PAX7: variants seen among roughly 807,000 people sequenced by gnomAD.
The protein encoded by PAX7 is paired box protein Pax-7.
PAX7 carries 18 observed loss-of-function variants against 50.7 expected under a neutral mutation model. That is an observed-to-expected ratio of 0.36 (90% CI 0.25 to 0.53). PAX7 has a LOEUF of 0.53. PAX7 is among the 20% of genes least tolerant of loss of function. The pLI, the probability that PAX7 is intolerant of heterozygous loss-of-function variation, is 0.93. For missense variants in PAX7, 644 were observed against 702.9 expected, an observed-to-expected ratio of 0.92 and a Z score of 0.95; for synonymous variants, 310 against 290.4, an observed-to-expected ratio of 1.07 and a Z score of -0.69.
In PAX7 at chr1:18,683,070, C is replaced by T. The variant is rs116650553; in HGVS notation, c.587-8684C>T. Among the ~76,000 whole-genome samples, 676 of 152,244 alleles carry T rather than the reference C, an allele frequency of 4.4e-3. 5 individuals are homozygous for T. The highest frequency in any genetic ancestry group is 5.9e-3 in the Non-Finnish European group (398 of 68,014). On this transcript the variant is annotated intron_variant, in intron 4 of 8. Coordinates refer to ENST00000420770, the MANE Select transcript of PAX7 (RefSeq NM_001135254.2). ...GGTCAGCTACAGCCAGAAACCAGAGCAGGGCCAACTGGTCAGGCGGTTGAC... is the reference window on the plus strand; with the variant it reads ...GGTCAGCTACAGCCAGAAACCAGAGTAGGGCCAACTGGTCAGGCGGTTGAC...
intron 4 of PAX7, among the ~76,000 whole-genome samples, chr1:18,684,181 T>C (rs952431121): frequency 3.3e-5 from 5 of 151,898 alleles, no homozygotes; most frequent in African/African-American, 4.8e-5. Context: ...GTGGCTGGAG[T>C]CCAGGAAGAG....
intron 4 of PAX7, among the ~76,000 whole-genome samples, chr1:18,678,753 G>T (rs963999492): frequency 6.6e-6 from 1 of 152,126 alleles, no homozygotes; most frequent in Admixed American, 6.5e-5. Flanking sequence ...AGATTGGGAG[G>T]ATGGTGGGGT....
At chr1:18,719,654 G>A (rs970465932) in intron 7 of PAX7, among the ~76,000 whole-genome samples, 1 of 152,212 alleles carries the variant, frequency 6.6e-6, no homozygotes, top group Non-Finnish European at 1.5e-5. Context: ...CCCCGGCAAG[G>A]GGCTCCCTTC....
At chr1:18,719,088 C>T (rs1364646337) in intron 7 of PAX7, among the ~76,000 whole-genome samples, 1 of 152,194 alleles carries the variant, frequency 6.6e-6, no homozygotes, top group East Asian at 1.9e-4. Context: ...TCACAATGCT[C>T]CTGCACACTT....
chr1:18,640,795 G>A (rs1362473053), intron 4 of PAX7, among the ~76,000 whole-genome samples: 1 of 149,270 alleles, frequency 6.7e-6, no homozygotes, highest in East Asian at 2.1e-4. Flanking sequence ...TATCCAGTGC[G>A]ACCAGAGGGA....
chr1:18,649,686 C>G (rs1572722), intron 4 of PAX7, among the ~76,000 whole-genome samples: 4,273 of 152,290 alleles, frequency 0.028, 93 homozygotes, highest in Middle Eastern at 0.068. Flanking sequence ...ACAAACTTGG[C>G]CTGCTGAAGG....
At chr1:18,707,635 G>A (rs1395721616) in intron 7 of PAX7, among the ~76,000 whole-genome samples, 3 of 151,896 alleles carry the variant, frequency 2.0e-5, no homozygotes, top group Non-Finnish European at 4.4e-5. Context: ...ATGTTGGCCA[G>A]GCTGGTCTTG....
chr1:18,677,252 T>C (rs1326864971), intron 4 of PAX7, among the ~76,000 whole-genome samples: 1 of 152,134 alleles, frequency 6.6e-6, no homozygotes, highest in East Asian at 1.9e-4. Flanking sequence ...GAGATCTTGT[T>C]TCTAAGGGGG....
chr1:18,664,533 C>T (rs945243737), intron 4 of PAX7, among the ~76,000 whole-genome samples: 1 of 152,180 alleles, frequency 6.6e-6, no homozygotes, highest in Non-Finnish European at 1.5e-5. Context: ...CAGCACTTTA[C>T]AGTTTATGAA....
intron 4 of PAX7, among the ~76,000 whole-genome samples, chr1:18,691,266 A>T (rs11581148): frequency 6.6e-6 from 1 of 152,196 alleles, no homozygotes; most frequent in Non-Finnish European, 1.5e-5. Flanking sequence ...GGCATGAGCC[A>T]CCATACATGG....
chr1:18,676,534 G>A (rs2088824516), intron 4 of PAX7, among the ~76,000 whole-genome samples: 1 of 151,796 alleles, frequency 6.6e-6, no homozygotes, highest in Non-Finnish European at 1.5e-5. Flanking sequence ...GAGGAGAGGG[G>A]AAAGGAAGGA....
intron 4 of PAX7, among the ~76,000 whole-genome samples, chr1:18,654,028 G>A (rs1004220210): frequency 1.5e-4 from 23 of 151,978 alleles, no homozygotes; most frequent in African/African-American, 5.3e-4. Flanking sequence ...TCTTTCTCGG[G>A]ACTGCAAATA....
intron 7 of PAX7, among the ~76,000 whole-genome samples, chr1:18,718,989 T>A (rs534084114): frequency 1.3e-5 from 2 of 152,202 alleles, no homozygotes; most frequent in East Asian, 1.9e-4. Context: ...CTGCTTGAAA[T>A]GAACTGAGAT....
In PAX7 at chr1:18,631,289, C is replaced by T. The variant is rs2088038113; in HGVS notation, c.-315C>T. The T allele has an allele frequency of 3.5e-6, 1 of 286,422 alleles. No individual in the cohort carries two copies. Among genetic ancestry groups the T allele is most frequent in the Non-Finnish European group, 6.6e-6 (1 of 152,304 alleles). 17.7% of individuals were successfully genotyped at this position (286,422 alleles called of 1,614,324 possible). On this transcript the variant is annotated 5_prime_UTR_variant, in exon 1 of 9. Coordinates refer to ENST00000420770, the MANE Select transcript of PAX7 (RefSeq NM_001135254.2). ...GGGTTCTGCCAGGCGCATCAGCCCG[C>T]ACAACTTCTGGCCGAGGCCAGCCGG...
chr1:18,659,875 G>A (rs1035065961), intron 4 of PAX7, among the ~76,000 whole-genome samples: 3 of 152,152 alleles, frequency 2.0e-5, no homozygotes, highest in South Asian at 2.1e-4. Context: ...CACAAGGAAC[G>A]GCCTCAACCT....
In PAX7 at chr1:18,657,253, T is replaced by G. The variant is rs972405403; in HGVS notation, c.586+20882T>G. The stretch of plus-strand genomic sequence containing the variant: ...TGACCTAATCCAAAAGTGAGGCAGA[T>G]ATGGGCTCCCAGGAGAGGGGCTGGG... On this transcript the variant is annotated intron_variant, in intron 4 of 8. Coordinates refer to ENST00000420770, the MANE Select transcript of PAX7 (RefSeq NM_001135254.2). Among the ~76,000 whole-genome samples, 13 of 151,912 alleles carry G rather than the reference T, an allele frequency of 8.6e-5. 1 individual carries two copies. Among genetic ancestry groups the G allele is most frequent in the African/African-American group, 3.1e-4 (13 of 41,368 alleles).
At chr1:18,638,866 T>G (rs10907326) in intron 4 of PAX7, among the ~76,000 whole-genome samples, 84,216 of 152,014 alleles carry the variant, frequency 0.55, 23,874 homozygotes, top group African/African-American at 0.64. Context: ...CAGTTTCATG[T>G]CCAAGTTAAA....
chr1:18,672,275 C>A (rs2088760404), intron 4 of PAX7, among the ~76,000 whole-genome samples: 1 of 152,214 alleles, frequency 6.6e-6, no homozygotes, highest in Admixed American at 6.5e-5. Flanking sequence ...GGTCCCCTGG[C>A]ATCCTGGTAT....
intron 4 of PAX7, among the ~76,000 whole-genome samples, chr1:18,639,004 C>CT (rs777533930): frequency 6.6e-6 from 1 of 152,232 alleles, no homozygotes; most frequent in Non-Finnish European, 1.5e-5. Flanking sequence ...TTGAAAAATG[C>CT]TTTCTCTGGG....
Sources: allele counts gnomAD v4.1 joint callset (sites outside exome capture counted in the v4.1 genomes callset), GRCh38; gene constraint gnomAD v4.1.1; transcripts MANE v1.5; gene names NCBI Gene and HGNC (gene_info 2026-07-23, HGNC 2026-07-21).